FAM81A: variants seen among roughly 807,000 people sequenced by gnomAD.
The protein encoded by FAM81A is family with sequence similarity 81 member A.
FAM81A carries 19 observed loss-of-function variants against 46.7 expected under a neutral mutation model. The observed-to-expected ratio is 0.41, with a 90% CI of 0.28 to 0.60. The LOEUF (loss-of-function observed/expected upper bound fraction) is 0.60. FAM81A is among the 20% of genes least tolerant of loss of function. FAM81A has a pLI of 0.34. For synonymous variants in FAM81A, 183 were observed against 152.9 expected, an observed-to-expected ratio of 1.20 and a Z score of -1.45; for missense variants, 377 against 453.5, an observed-to-expected ratio of 0.83 and a Z score of 1.53.
rs772415535 is a variant in FAM81A, at chr15:59,492,252, TG to T, written c.295-18del. 1.5e-5 allele frequency: 23 copies of T among 1,570,434 alleles called. 1 individual carries two copies. The African/African-American group carries it at 3.0e-4, about 20-fold the overall frequency. On this transcript the variant is annotated intron_variant, in intron 3 of 8. Coordinates refer to ENST00000288228, the MANE Select transcript of FAM81A (RefSeq NM_152450.3). ...GTGAATTCTTAGATGACTCCCTTAG[TG>T]TTTTTTATGTTGCCCAGGTACTCCA...
At chr15:59,468,907 C>T (rs775441701) in intron 3 of FAM81A, among the ~76,000 whole-genome samples, 97 of 152,096 alleles carry the variant, frequency 6.4e-4, no homozygotes, top group Non-Finnish European at 1.2e-3. Flanking sequence ...GATTCTGGTA[C>T]GTTGTGTCTT....
intron 1 of FAM81A, among the ~76,000 whole-genome samples, chr15:59,452,357 G>A (rs1252729023): frequency 6.6e-6 from 1 of 152,238 alleles, no homozygotes; most frequent in Non-Finnish European, 1.5e-5. Context: ...ATTAAAGATG[G>A]TGATGTAGGC....
Position 59,460,321 on chromosome 15 carries a change from C to A in FAM81A, c.294+115C>A. On this transcript the variant is annotated intron_variant, in intron 3 of 8. Transcript: ENST00000288228. This position sits in a 1 kb window ranked among gnomAD's most constrained non-coding sequence, Gnocchi z 4.4. Reference sequence around the variant, plus strand: ...AGGCAGTACTGCATTTAGAACAAAGCTGTCTGTCTTGTCTATTCTTAATGA... The same window carrying A: ...AGGCAGTACTGCATTTAGAACAAAGATGTCTGTCTTGTCTATTCTTAATGA... 7.3e-7 allele frequency: 1 copy of A among 1,361,138 alleles called. No homozygotes were observed. Among genetic ancestry groups the A allele is most frequent in the Non-Finnish European group, 1.0e-6 (1 of 955,928 alleles). The allele number at this position is 1,361,138 out of a possible 1,614,324, so 84.3% of individuals were successfully genotyped here.
At chr15:59,459,583 G>A (rs1453277320) in intron 2 of FAM81A, among the ~76,000 whole-genome samples, 1 of 152,080 alleles carries the variant, frequency 6.6e-6, no homozygotes, top group Non-Finnish European at 1.5e-5. Flanking sequence ...TGTAACCACT[G>A]TTTCAGAGAG....
At chr15:59,412,441 A>G (rs2141540439) in intron 2 of FAM81A, among the ~76,000 whole-genome samples, 1 of 152,284 alleles carries the variant, frequency 6.6e-6, no homozygotes, top group East Asian at 1.9e-4. Flanking sequence ...GAATAGTGTT[A>G]CAAGCCGGGC....
In FAM81A at chr15:59,514,392, G is replaced by A. The variant is rs1480593555; in HGVS notation, c.754G>A (p.Asp252Asn). The change falls in exon 7 of 9, where the codon GAT (aspartate) becomes AAT (asparagine). Residue 252 changes from aspartate (D) to asparagine (N), a missense_variant. By Grantham distance (23) the Asp-to-Asn change is conservative. Coordinates refer to ENST00000288228, the MANE Select transcript of FAM81A (RefSeq NM_152450.3). ...AGAAAAAGAGCTTTTACAGAAAATT[G>A]ATCAGCTTTCCTTGATTGTTAAGGA... is the stretch of plus-strand genomic sequence containing the variant. Reference protein sequence around the residue: ...RIEKELLQKIDQLSLIVKENS... With the variant: ...RIEKELLQKINQLSLIVKENS... 6.2e-7 allele frequency: 1 copy of A among 1,613,374 alleles called. No individual in the cohort carries two copies.
chr15:59,453,290 G>A (rs1371852674), intron 1 of FAM81A, among the ~76,000 whole-genome samples: 1 of 152,116 alleles, frequency 6.6e-6, no homozygotes, highest in Non-Finnish European at 1.5e-5. Flanking sequence ...TGTGATGTTG[G>A]GCCAGTTGCT....
chr15:59,492,027 T>G (rs1474744787), intron 3 of FAM81A, among the ~76,000 whole-genome samples: 1 of 152,142 alleles, frequency 6.6e-6, no homozygotes, highest in Non-Finnish European at 1.5e-5. Context: ...GAAGAAATAC[T>G]AAAACCAAAG....
rs745382115 is a variant in FAM81A at position 59,460,316 on chromosome 15, C to A, written c.294+110C>A. 7.2e-7 allele frequency: 1 copy of A among 1,386,848 alleles called. No individual in the cohort carries two copies. The highest frequency in any genetic ancestry group is 1.0e-6 in the Non-Finnish European group (1 of 978,676). 85.9% of individuals were successfully genotyped at this position (1,386,848 alleles called of 1,614,324 possible). On this transcript the variant is annotated intron_variant, in intron 3 of 8. Coordinates refer to ENST00000288228, the MANE Select transcript of FAM81A (RefSeq NM_152450.3). The surrounding 1 kb of genome is among the most constrained non-coding windows in gnomAD (Gnocchi z 4.4). Reference sequence around the variant, plus strand: ...CTCCCAGGCAGTACTGCATTTAGAACAAAGCTGTCTGTCTTGTCTATTCTT... The same window carrying A: ...CTCCCAGGCAGTACTGCATTTAGAAAAAAGCTGTCTGTCTTGTCTATTCTT...
At chr15:59,480,067 T>A (rs1414162214) in intron 3 of FAM81A, among the ~76,000 whole-genome samples, 1 of 152,026 alleles carries the variant, frequency 6.6e-6, no homozygotes, top group Non-Finnish European at 1.5e-5. Context: ...GGGGAGAAGA[T>A]GGATTCTGGA....
At chr15:59,492,615 A>G (rs1266901301) in intron 4 of FAM81A, among the ~76,000 whole-genome samples, 2 of 152,158 alleles carry the variant, frequency 1.3e-5, no homozygotes, top group African/African-American at 2.4e-5. Flanking sequence ...CTGGGAAGAA[A>G]TGATGGGAGA....
intron 3 of FAM81A, among the ~76,000 whole-genome samples, chr15:59,463,733 T>G (rs2081579941): frequency 1.4e-5 from 1 of 73,202 alleles, no homozygotes; most frequent in Non-Finnish European, 2.5e-5. Flanking sequence ...TATAGATCCA[T>G]TTGGGGAGAG....
rs575547212 is a variant in FAM81A, at chr15:59,472,762, A to G, written c.294+12556A>G. 3.9e-5 allele frequency among the ~76,000 whole-genome samples: 6 copies of G among 152,202 alleles called. No homozygotes were observed. In the South Asian group the frequency reaches 8.3e-4, roughly 21 times the overall value. On this transcript the variant is annotated intron_variant, in intron 3 of 8. Coordinates refer to ENST00000288228, the MANE Select transcript of FAM81A (RefSeq NM_152450.3). ...GACGGGAGTCTTGGTATGTTGTCCA[A>G]TCATTTCCATTAACCCCCTTAAGTT...
At chr15:59,437,305 G>A (rs2081249884), upstream of FAM81A, among the ~76,000 whole-genome samples, 1 of 151,994 alleles carries the variant, frequency 6.6e-6, no homozygotes, top group South Asian at 2.1e-4. Flanking sequence ...CCTGTGCTGG[G>A]TAAGTACCAG....
chr15:59,517,689 C>A (rs1401546503), intron 8 of FAM81A, among the ~76,000 whole-genome samples: 1 of 152,062 alleles, frequency 6.6e-6, no homozygotes, highest in Non-Finnish European at 1.5e-5. Flanking sequence ...TTATTACCAC[C>A]AAATGTTTAT....
intron 2 of FAM81A, among the ~76,000 whole-genome samples, chr15:59,416,536 C>G (rs2081147463): frequency 6.6e-6 from 1 of 152,214 alleles, no homozygotes; most frequent in Non-Finnish European, 1.5e-5. Flanking sequence ...ATGGCAGAAA[C>G]TGTGAACCAC....
At chr15:59,461,740 T>C (rs1165507025) in intron 3 of FAM81A, among the ~76,000 whole-genome samples, 1 of 152,224 alleles carries the variant, frequency 6.6e-6, no homozygotes, top group Admixed American at 6.5e-5. Flanking sequence ...TGTTTAACCA[T>C]TCATGAACTG....
At chr15:59,399,271 C>T (rs1363324892) in intron 1 of FAM81A, among the ~76,000 whole-genome samples, 1 of 152,158 alleles carries the variant, frequency 6.6e-6, no homozygotes, top group Admixed American at 6.6e-5. Flanking sequence ...AAAATCATAT[C>T]CCAGAAGCTG....
intron 1 of FAM81A, among the ~76,000 whole-genome samples, chr15:59,445,863 A>C (rs2081349127): frequency 1.3e-5 from 2 of 152,176 alleles, no homozygotes. Flanking sequence ...CTAATGCTAG[A>C]AAGAAAAGTT....
Sources: allele counts gnomAD v4.1 joint callset (sites outside exome capture counted in the v4.1 genomes callset), GRCh38; gene constraint gnomAD v4.1.1; non-coding constraint Gnocchi (gnomAD v3.1); transcripts MANE v1.5; gene names NCBI Gene and HGNC (gene_info 2026-07-23, HGNC 2026-07-21).